The following PAPPA variants were observed in gnomAD, a reference collection of about 807,000 sequenced individuals.
The protein encoded by PAPPA is pappalysin-1.
A neutral mutation model predicts 164.0 loss-of-function variants in PAPPA; 60 were observed. The observed-to-expected ratio is 0.37, with a 90% CI of 0.30 to 0.45. PAPPA has a LOEUF of 0.45. Ranked by LOEUF, PAPPA falls within the 20% of genes least tolerant of loss-of-function variation. PAPPA has a pLI of 1.00. For synonymous variants in PAPPA, 875 were observed against 814.1 expected (o/e 1.07, Z -1.27); for missense variants, 1,782 against 2,087.3 (o/e 0.85, Z 2.85).
At chr9:116,221,390 A>T (rs955499632) in intron 5 of PAPPA, among the ~76,000 whole-genome samples, 1 of 152,224 alleles carries the variant, frequency 6.6e-6, no homozygotes, top group Non-Finnish European at 1.5e-5. Context: ...AATAATAACC[A>T]TGCTAATAAT....
At chr9:116,273,030 T>C (rs1845155347) in intron 9 of PAPPA, among the ~76,000 whole-genome samples, 1 of 152,236 alleles carries the variant, frequency 6.6e-6, no homozygotes, top group African/African-American at 2.4e-5. Context: ...GCCAAACTCT[T>C]ACCTTTGTCG....
chr9:116,169,243 A>C (rs1286016814), intron 1 of PAPPA, among the ~76,000 whole-genome samples: 1 of 148,370 alleles, frequency 6.7e-6, no homozygotes, highest in East Asian at 2.0e-4. Context: ...CCAGTGAACC[A>C]GTATACCATC....
intron 1 of PAPPA, among the ~76,000 whole-genome samples, chr9:116,183,311 C>T (rs1843928777): frequency 6.6e-6 from 1 of 152,164 alleles, no homozygotes; most frequent in African/African-American, 2.4e-5. Context: ...TTTTGAGCAC[C>T]TTCTCCTTAC....
rs1564257396 is a variant in PAPPA, at chr9:116,398,923, C to A, written c.*2307C>A. ...ACTCTTGTCAACTCTCCAGGCCTCT[C>A]TCTTGCCCTGAGTTATCAGCCTGTG... is the stretch of plus-strand genomic sequence containing the variant. On this transcript the variant is annotated 3_prime_UTR_variant, in exon 22 of 22. Coordinates refer to ENST00000328252, the MANE Select transcript of PAPPA (RefSeq NM_002581.5). 5.9e-6 allele frequency: 2 copies of A among 341,590 alleles called. No homozygotes were observed. The highest frequency in any genetic ancestry group is 1.1e-5 in the Non-Finnish European group (2 of 174,752). The allele number at this position is 341,590 out of a possible 1,614,324, so 21.2% of individuals were successfully genotyped here.
rs1341896624 is a variant in PAPPA at position 116,227,479 on chromosome 9, G to A, written c.2160G>A (p.Val720=). 1 of 1,614,074 alleles carries A rather than the reference G, an allele frequency of 6.2e-7. No individual in the cohort carries two copies. The highest frequency in any genetic ancestry group is 1.1e-5 in the South Asian group (1 of 91,074). The change falls in exon 6 of 22, where the codon GTG becomes GTA. Residue 720 remains valine, a synonymous_variant. Transcript: ENST00000328252. ...TTTGCCTGGAAGGGAGAATCCTGGT[G>A]CAGTATGCTTCCAACGCTTCCTCCC... is the stretch of plus-strand genomic sequence containing the variant. The part of the protein sequence containing the change: ...CHLCLEGRIL[V]QYASNASSPM...
At chr9:116,242,047 T>A (rs1844742113) in intron 7 of PAPPA, among the ~76,000 whole-genome samples, 1 of 152,194 alleles carries the variant, frequency 6.6e-6, no homozygotes, top group African/African-American at 2.4e-5. Context: ...TTATTAAATA[T>A]CTATTCTGTG....
chr9:116,360,643 CATTT>C (rs1441037474), intron 17 of PAPPA, among the ~76,000 whole-genome samples: 1 of 152,062 alleles, frequency 6.6e-6, no homozygotes, highest in Non-Finnish European at 1.5e-5. Flanking sequence ...TCTGTGTGTT[CATTT>C]ATTTTCTTAT....
chr9:116,375,462 T>C (rs1846637306), intron 19 of PAPPA, among the ~76,000 whole-genome samples: 2 of 152,244 alleles, frequency 1.3e-5, no homozygotes, highest in South Asian at 4.1e-4. Flanking sequence ...TGCTTGACCT[T>C]AGATGATCTT....
chr9:116,231,835 C>G (rs1337443701), intron 6 of PAPPA, among the ~76,000 whole-genome samples: 1 of 131,290 alleles, frequency 7.6e-6, no homozygotes, highest in East Asian at 2.4e-4. Flanking sequence ...AATCTCGGCT[C>G]ACTGCAACCT....
intron 1 of PAPPA, among the ~76,000 whole-genome samples, chr9:116,184,565 A>T (rs1031898254): frequency 3.9e-5 from 6 of 152,134 alleles, no homozygotes; most frequent in Admixed American, 2.0e-4. Context: ...TATGCGGAGG[A>T]TGTCATATTC....
Position 116,380,198 on chromosome 9 carries a change from T to C in PAPPA, c.4678-2197T>C, listed in dbSNP as rs185056326. ...GTATAAGGTCTGGAGGGGTAGGAAC[T>C]ATATCTATATTAATTCACTATTGCA... On this transcript the variant is annotated intron_variant, in intron 20 of 21. Coordinates refer to ENST00000328252, the MANE Select transcript of PAPPA (RefSeq NM_002581.5). Among the ~76,000 whole-genome samples, 237 of 152,342 alleles carry C rather than the reference T, an allele frequency of 1.6e-3. 1 individual carries two copies. The highest frequency in any genetic ancestry group is 5.5e-3 in the African/African-American group (227 of 41,572).
intron 9 of PAPPA, among the ~76,000 whole-genome samples, chr9:116,293,151 A>G (rs1047780670): frequency 1.3e-5 from 2 of 152,234 alleles, no homozygotes; most frequent in African/African-American, 4.8e-5. Context: ...GACAAAGTGA[A>G]TAACACTAGT....
At chr9:116,332,738 C>T (rs1846010553) in intron 12 of PAPPA, 2 of 319,286 alleles carry the variant, frequency 6.3e-6, no homozygotes, top group East Asian at 1.1e-4. Context: ...GTATTATTCC[C>T]CACAGACCCC....
At chr9:116,254,467 G>C (rs1238004372) in intron 7 of PAPPA, among the ~76,000 whole-genome samples, 1 of 152,154 alleles carries the variant, frequency 6.6e-6, no homozygotes, top group Non-Finnish European at 1.5e-5. Flanking sequence ...AATAATGTGT[G>C]TATGTGTGTT....
At chr9:116,362,492 T>G (rs1265871832) in intron 17 of PAPPA, 100 bp from the exon 18 acceptor site, 1 of 1,305,880 alleles carries the variant, frequency 7.7e-7, no homozygotes, top group African/African-American at 1.5e-5. Flanking sequence ...ACTTCAGAGC[T>G]CTGGAGAGAT....
chr9:116,203,015 A>G (rs892374707), intron 2 of PAPPA, among the ~76,000 whole-genome samples: 1 of 152,132 alleles, frequency 6.6e-6, no homozygotes, highest in Admixed American at 6.6e-5. Context: ...CAGAACAACC[A>G]GCAGAGTATA....
chr9:116,313,185 A>C (rs1382182587), intron 10 of PAPPA, among the ~76,000 whole-genome samples: 1 of 151,978 alleles, frequency 6.6e-6, no homozygotes, highest in Non-Finnish European at 1.5e-5. Context: ...ACATTTGTAC[A>C]TGTTTGTTTT....
At chr9:116,157,451 A>C (rs1843617445) in intron 1 of PAPPA, among the ~76,000 whole-genome samples, 1 of 152,194 alleles carries the variant, frequency 6.6e-6, no homozygotes, top group Non-Finnish European at 1.5e-5. Context: ...CAAAGTTAGA[A>C]AGTGCCTATG....
chr9:116,261,097 T>C (rs1844995660), intron 7 of PAPPA, among the ~76,000 whole-genome samples: 1 of 152,220 alleles, frequency 6.6e-6, no homozygotes, highest in African/African-American at 2.4e-5. Flanking sequence ...AGTTTCCTCA[T>C]CTCACAAGGA....
Sources: gnomAD v4.1 joint callset for allele counts (sites outside exome capture counted in the v4.1 genomes callset) on GRCh38, gnomAD v4.1.1 for gene constraint, MANE v1.5 for transcripts, NCBI Gene and HGNC (gene_info 2026-07-23, HGNC 2026-07-21) for gene names.